The following DYRK1A variants were observed in gnomAD, a reference collection of about 807,000 sequenced individuals.
The protein encoded by DYRK1A is dual specificity tyrosine-phosphorylation-regulated kinase 1A.
A neutral mutation model predicts 79.7 loss-of-function variants in DYRK1A; 9 were observed. The ratio of observed to expected loss-of-function variants is 0.11; its 90% CI spans 0.07 to 0.20. The LOEUF (loss-of-function observed/expected upper bound fraction) is 0.20. DYRK1A is among the 10% of genes least tolerant of loss of function. The probability of loss-of-function intolerance (pLI) is 1.00; values close to 1 mark genes in which losing one functional copy is unlikely to be tolerated. For synonymous variants in DYRK1A, 349 were observed against 329.7 expected (o/e 1.06, Z -0.63); for missense variants, 622 against 956.0 (o/e 0.65, Z 4.61).
chr21:37,506,083 T>G lies in DYRK1A; in HGVS notation c.1520-16T>G. On this transcript the variant is annotated splice_polypyrimidine_tract_variant and intron_variant, in intron 10 of 11. Coordinates refer to ENST00000647188, the MANE Select transcript of DYRK1A (RefSeq NM_001347721.2). ...TTAAACTCACAGTTGTATTGTTTTGTGTTGTGATATTTCAGGTGGCTCATC... is the reference window on the plus strand; with the variant it reads ...TTAAACTCACAGTTGTATTGTTTTGGGTTGTGATATTTCAGGTGGCTCATC... The G allele has an allele frequency of 6.2e-7, 1 of 1,605,678 alleles. No individual in the cohort carries two copies. The highest frequency in any genetic ancestry group is 8.5e-7 in the Non-Finnish European group (1 of 1,174,330).
At position 37,518,858 on chromosome 21, in the gene DYRK1A, C is replaced by T. The variant is rs1236785778; in HGVS notation, c.*6327C>T. On this transcript the variant is annotated 3_prime_UTR_variant, in exon 12 of 12. Coordinates refer to ENST00000647188, the MANE Select transcript of DYRK1A (RefSeq NM_001347721.2). ...GAACTCCCGACTTCAAGCTATCCAC[C>T]TGCCTCGGCCTCCCAAAGTGCTGGG... 4 of 152,290 alleles carry T rather than the reference C, an allele frequency of 2.6e-5. No individual in the cohort carries two copies. The highest frequency in any genetic ancestry group is 6.5e-5 in the Admixed American group (1 of 15,288). 9.4% of individuals were successfully genotyped at this position (152,290 alleles called of 1,614,324 possible).
chr21:37,424,408 TCCC>T (rs1178672689), intron 2 of DYRK1A, among the ~76,000 whole-genome samples: 6 of 152,172 alleles, frequency 3.9e-5, no homozygotes, highest in African/African-American at 1.4e-4. Context: ...AGGAAACATA[TCCC>T]AAGTTTTAGT....
At position 37,525,947 on chromosome 21, in the gene DYRK1A, G is replaced by A. The variant is rs2053964996; in HGVS notation, c.*13416G>A. The A allele has an allele frequency of 6.6e-6, 1 of 152,172 alleles. No individual in the cohort carries two copies. The highest frequency in any genetic ancestry group is 1.5e-5 in the Non-Finnish European group (1 of 68,026). The allele number at this position is 152,172 out of a possible 1,614,324, so 9.4% of individuals were successfully genotyped here. A position where few individuals can be genotyped will look rare whatever the true frequency, so the allele number is the denominator to read the frequency against. ...GTTTTGGAAATTCACTTTTGCTGCA[G>A]ACTTGATAGTGTTTCTTAAGGAATT... On this transcript the variant is annotated 3_prime_UTR_variant, in exon 12 of 12. Coordinates refer to ENST00000647188, the MANE Select transcript of DYRK1A (RefSeq NM_001347721.2).
At chr21:37,464,296 G>C (rs752043606) in intron 2 of DYRK1A, 9 of 499,040 alleles carry the variant, frequency 1.8e-5, no homozygotes, top group South Asian at 1.2e-4. Flanking sequence ...CTGGTAATAT[G>C]GTCTCTAGTT....
rs76583748 is a variant in DYRK1A, at chr21:37,397,787, G to A, written c.-76-22512G>A. Among the ~76,000 whole-genome samples, 238 of 152,220 alleles carry A rather than the reference G, an allele frequency of 1.6e-3. 1 individual carries two copies. The highest frequency in any genetic ancestry group is 5.3e-3 in the African/African-American group (220 of 41,522). On this transcript the variant is annotated intron_variant, in intron 1 of 11. Transcript: ENST00000647188. ...ACAAGCCCCTCAGGGTGATTGTGAT[G>A]CAGCTGTCAGTGGTATGGGATCCAG...
At chr21:37,417,529 C>CTTTTTTTTTTTTTTTTTT (rs3216074) in intron 1 of DYRK1A, among the ~76,000 whole-genome samples, 2 of 44,044 alleles carry the variant, frequency 4.5e-5, no homozygotes, top group African/African-American at 2.0e-4. Context: ...TTTTCTTTTT[C>CTTTTTTTTTTTTTTTTTT]TTTTTTTTTT....
chr21:37,435,236 G>A (rs566688708), intron 2 of DYRK1A, among the ~76,000 whole-genome samples: 173 of 152,256 alleles, frequency 1.1e-3, no homozygotes, highest in South Asian at 2.5e-3. Flanking sequence ...ACTAAAATAG[G>A]CTATTTGCAT....
chr21:37,434,479 C>G (rs1323156628), intron 2 of DYRK1A, among the ~76,000 whole-genome samples: 2 of 152,178 alleles, frequency 1.3e-5, no homozygotes, highest in African/African-American at 4.8e-5. Flanking sequence ...ATTGTCAGAA[C>G]ACTGATGTTC....
At chr21:37,384,993 A>G (rs546819970) in intron 1 of DYRK1A, among the ~76,000 whole-genome samples, 106 of 152,196 alleles carry the variant, frequency 7.0e-4, no homozygotes, top group African/African-American at 2.5e-3. Context: ...AGTGGCTGTC[A>G]TAAAATGCAG....
At chr21:37,493,280 G>T in intron 8 of DYRK1A, 117 bp downstream of exon 8, 1 of 1,015,526 alleles carries the variant, frequency 9.8e-7, no homozygotes, top group South Asian at 1.9e-5. Flanking sequence ...TCATTCAAAT[G>T]TGAGGTCAGT....
intron 1 of DYRK1A, among the ~76,000 whole-genome samples, chr21:37,383,478 T>G (rs1602373689): frequency 1.3e-5 from 2 of 152,346 alleles, no homozygotes; most frequent in Admixed American, 1.3e-4. Context: ...ACTAAGAACC[T>G]TTACTTGGAA....
intron 2 of DYRK1A, among the ~76,000 whole-genome samples, chr21:37,465,885 C>T (rs748920198): frequency 9.2e-5 from 14 of 152,074 alleles, no homozygotes; most frequent in Non-Finnish European, 2.1e-4. Flanking sequence ...GAATCAGAAC[C>T]GTCATTTTTA....
At chr21:37,441,484 T>G (rs2051101929) in intron 2 of DYRK1A, among the ~76,000 whole-genome samples, 1 of 152,150 alleles carries the variant, frequency 6.6e-6, no homozygotes, top group Non-Finnish European at 1.5e-5. Context: ...CTACCGTCTT[T>G]TATTCTGCTT....
intron 1 of DYRK1A, among the ~76,000 whole-genome samples, chr21:37,388,518 C>CTT (rs1321609647): frequency 6.6e-6 from 1 of 152,180 alleles, no homozygotes; most frequent in African/African-American, 2.4e-5. Flanking sequence ...AACAGTGAGT[C>CTT]TTCCAGTATC....
At chr21:37,466,849 C>T (rs1002585446) in intron 2 of DYRK1A, among the ~76,000 whole-genome samples, 3 of 151,348 alleles carry the variant, frequency 2.0e-5, no homozygotes, top group African/African-American at 2.4e-5. Flanking sequence ...AAAATTAAAC[C>T]TTTGATGAGG....
intron 1 of DYRK1A, among the ~76,000 whole-genome samples, chr21:37,418,355 G>T (rs2050398276): frequency 6.6e-6 from 1 of 152,162 alleles, no homozygotes; most frequent in South Asian, 2.1e-4. Context: ...AAAGGTGTCA[G>T]AAATTTTGAT....
intron 1 of DYRK1A, among the ~76,000 whole-genome samples, chr21:37,384,177 A>G (rs1217718441): frequency 6.6e-6 from 1 of 152,170 alleles, no homozygotes; most frequent in Non-Finnish European, 1.5e-5. Context: ...GTTAGGGGTA[A>G]CCAAGGGTGG....
At chr21:37,487,997 T>G (rs1416308144) in intron 6 of DYRK1A, 1 of 152,140 alleles carries the variant, frequency 6.6e-6, no homozygotes, top group Admixed American at 6.5e-5. Context: ...TCCTGCCTTC[T>G]CCTCACTCTT....
chr21:37,369,307 G>C (rs1172195702), intron 1 of DYRK1A, among the ~76,000 whole-genome samples: 1 of 152,154 alleles, frequency 6.6e-6, no homozygotes, highest in Non-Finnish European at 1.5e-5. Context: ...TTTTCAAGTA[G>C]ACTTTTAAAA....
Sources: allele counts gnomAD v4.1 joint callset (sites outside exome capture counted in the v4.1 genomes callset), GRCh38; gene constraint gnomAD v4.1.1; transcripts MANE v1.5; gene names NCBI Gene and HGNC (gene_info 2026-07-23, HGNC 2026-07-21).